Variants in SPOCK3 observed in about 807,000 individuals in gnomAD.
SPOCK3 encodes SPARC (osteonectin), cwcv and kazal like domains proteoglycan 3.
SPOCK3 carries 30 observed loss-of-function variants against 56.6 expected under a neutral mutation model. The ratio of observed to expected loss-of-function variants is 0.53; its 90% CI spans 0.40 to 0.72. The LOEUF is 0.72. SPOCK3 is among the 30% of genes least tolerant of loss of function. The pLI is 0.00. For missense variants in SPOCK3, 527 were observed against 530.0 expected, an observed-to-expected ratio of 0.99 and a Z score of 0.06; for synonymous variants, 196 against 183.3, an observed-to-expected ratio of 1.07 and a Z score of -0.56.
chr4:166,738,840 G>A (rs1734526320), intron 9 of SPOCK3, among the ~76,000 whole-genome samples: 1 of 151,760 alleles, frequency 6.6e-6, no homozygotes, highest in African/African-American at 2.4e-5. Context: ...TGGTGTATAT[G>A]TGCCACATTT....
intron 3 of SPOCK3, among the ~76,000 whole-genome samples, chr4:167,040,280 G>C (rs1419932401): frequency 6.6e-6 from 1 of 152,140 alleles, no homozygotes. Flanking sequence ...TCAGAATATA[G>C]GATAGTGGGA....
intron 6 of SPOCK3, among the ~76,000 whole-genome samples, chr4:166,871,206 TA>T (rs1226983976): frequency 2.6e-5 from 4 of 151,328 alleles, no homozygotes; most frequent in South Asian, 2.1e-4. Flanking sequence ...AAAATGATAA[TA>T]AAAAAACAGA....
At chr4:167,213,010 T>C (rs1188997509) in intron 2 of SPOCK3, among the ~76,000 whole-genome samples, 1 of 152,208 alleles carries the variant, frequency 6.6e-6, no homozygotes, top group Non-Finnish European at 1.5e-5. Flanking sequence ...ACCCCGTCTG[T>C]AGTGAAGATG....
intron 4 of SPOCK3, among the ~76,000 whole-genome samples, chr4:166,926,910 T>C (rs1579674400): frequency 6.6e-6 from 1 of 152,182 alleles, no homozygotes; most frequent in East Asian, 1.9e-4. Flanking sequence ...AACATTTCCG[T>C]AAGGTGTGAA....
intron 6 of SPOCK3, among the ~76,000 whole-genome samples, chr4:166,854,277 T>C (rs1331086258): frequency 1.3e-5 from 2 of 152,184 alleles, no homozygotes; most frequent in Non-Finnish European, 2.9e-5. Context: ...TCATTTTGTT[T>C]TCCAACAGTA....
chr4:166,791,864 C>T (rs551685507), intron 7 of SPOCK3, among the ~76,000 whole-genome samples: 5 of 152,160 alleles, frequency 3.3e-5, no homozygotes, highest in East Asian at 1.9e-4. Flanking sequence ...TTTACCTTTA[C>T]TTTCTATGTT....
At chr4:166,814,929 C>T (rs996081506) in intron 6 of SPOCK3, among the ~76,000 whole-genome samples, 1 of 151,964 alleles carries the variant, frequency 6.6e-6, no homozygotes, top group Non-Finnish European at 1.5e-5. Flanking sequence ...TTCCCAGAGC[C>T]CCCTCAGTTA....
intron 7 of SPOCK3, among the ~76,000 whole-genome samples, chr4:166,775,598 C>A (rs1739438933): frequency 6.6e-6 from 1 of 152,060 alleles, no homozygotes; most frequent in Non-Finnish European, 1.5e-5. Flanking sequence ...GGATACTGAA[C>A]AAAATCTTAA....
intron 6 of SPOCK3, among the ~76,000 whole-genome samples, chr4:166,867,577 T>G (rs1731973558): frequency 6.6e-6 from 1 of 151,580 alleles, no homozygotes; most frequent in African/African-American, 2.4e-5. Flanking sequence ...TTGGCTAAAT[T>G]TTAAATGATT....
At chr4:167,088,732 G>C (rs983036651) in intron 2 of SPOCK3, among the ~76,000 whole-genome samples, 2 of 151,888 alleles carry the variant, frequency 1.3e-5, no homozygotes, top group South Asian at 4.2e-4. Flanking sequence ...CAAAGTGCTG[G>C]GATTACAGGC....
At chr4:166,905,410 CT>C (rs1736502116) in intron 5 of SPOCK3, among the ~76,000 whole-genome samples, 2 of 151,772 alleles carry the variant, frequency 1.3e-5, no homozygotes, top group Non-Finnish European at 2.9e-5. Context: ...GGTGTTAGTC[CT>C]TTTTTAGTAT....
chr4:166,876,900 A>T (rs1733146652), intron 6 of SPOCK3, among the ~76,000 whole-genome samples: 1 of 152,120 alleles, frequency 6.6e-6, no homozygotes, highest in South Asian at 2.1e-4. Flanking sequence ...GAAAGGTTAA[A>T]AATTATCAGT....
At chr4:167,006,027 G>A (rs1015837293) in intron 3 of SPOCK3, among the ~76,000 whole-genome samples, 5 of 152,090 alleles carry the variant, frequency 3.3e-5, no homozygotes, top group African/African-American at 4.8e-5. Context: ...ATACACATCC[G>A]TTCTAAGCAT....
chr4:167,132,757 C>T (rs1446797410), intron 2 of SPOCK3, among the ~76,000 whole-genome samples: 1 of 151,980 alleles, frequency 6.6e-6, no homozygotes, highest in African/African-American at 2.4e-5. Context: ...CATTCCTTGG[C>T]TTGTGACCAC....
chr4:166,772,747 T>C (rs927278849), intron 7 of SPOCK3, among the ~76,000 whole-genome samples: 5 of 152,096 alleles, frequency 3.3e-5, no homozygotes, highest in Admixed American at 2.0e-4. Context: ...GAATTCAGAT[T>C]CCTAGATATG....
chr4:166,954,240 C>T (rs905783443), intron 4 of SPOCK3, among the ~76,000 whole-genome samples: 3 of 152,070 alleles, frequency 2.0e-5, no homozygotes, highest in Non-Finnish European at 4.4e-5. Context: ...AATATATTCT[C>T]CCATTTTGTG....
At chr4:166,763,523 T>C (rs933879681) in intron 7 of SPOCK3, among the ~76,000 whole-genome samples, 1 of 152,016 alleles carries the variant, frequency 6.6e-6, no homozygotes, top group Non-Finnish European at 1.5e-5. Flanking sequence ...CATAGAAAAC[T>C]TTTTTCCTTT....
At chr4:167,179,305 T>C (rs937065197) in intron 2 of SPOCK3, among the ~76,000 whole-genome samples, 1 of 152,158 alleles carries the variant, frequency 6.6e-6, no homozygotes, top group Non-Finnish European at 1.5e-5. Context: ...CCACAGCCAA[T>C]GAGCCAGACT....
In SPOCK3 at chr4:167,219,992, G is replaced by A. The variant is rs192915066; in HGVS notation, c.189+13993C>T. On this transcript the variant is annotated intron_variant, in intron 2 of 10. Transcript: ENST00000357545. Reference sequence around the variant, plus strand: ...ATTCCAACCTATCTTATATATGATAGGATTTCATTTTTTTAAGTCAATAAC... The same window carrying A: ...ATTCCAACCTATCTTATATATGATAAGATTTCATTTTTTTAAGTCAATAAC... 5.7e-4 allele frequency among the ~76,000 whole-genome samples: 87 copies of A among 152,080 alleles called. 1 individual carries two copies. Among genetic ancestry groups the A allele is most frequent in the African/African-American group, 2.0e-3 (82 of 41,492 alleles).
Sources: allele counts gnomAD v4.1 joint callset (sites outside exome capture counted in the v4.1 genomes callset), GRCh38; gene constraint gnomAD v4.1.1; transcripts MANE v1.5; gene names NCBI Gene and HGNC (gene_info 2026-07-23, HGNC 2026-07-21).